Variants in WNK2 observed in about 807,000 individuals in gnomAD.
WNK2 encodes serine/threonine-protein kinase WNK2.
WNK2 carries 67 observed loss-of-function variants against 192.1 expected under a neutral mutation model. That is an observed-to-expected ratio of 0.35 (90% CI 0.29 to 0.43). The LOEUF (loss-of-function observed/expected upper bound fraction) is 0.43, where lower values mean the gene tolerates loss of function less well. Among genes scored for constraint, WNK2 ranks in the 20% least tolerant of loss-of-function variants. The probability of loss-of-function intolerance (pLI) is 1.00; values close to 1 mark genes in which losing one functional copy is unlikely to be tolerated. For synonymous variants in WNK2, 1,439 were observed against 1,393.9 expected, an observed-to-expected ratio of 1.03 and a Z score of -0.72; for missense variants, 2,698 against 3,089.7, an observed-to-expected ratio of 0.87 and a Z score of 3.01.
chr9:93,289,768 T>A (rs1179503996), intron 20 of WNK2, 148 bp downstream of exon 20: 1 of 947,574 alleles, frequency 1.1e-6, no homozygotes, highest in Non-Finnish European at 1.5e-6. Context: ...CACGTGTGTT[T>A]GACTCACCCA....
At chr9:93,307,306 A>G (rs1246768731) in intron 27 of WNK2, 1 of 159,940 alleles carries the variant, frequency 6.3e-6, no homozygotes, top group African/African-American at 2.4e-5. Context: ...GAATAGCTCC[A>G]TGTGTGTCAA....
chr9:93,255,470 G>C (rs575324799), intron 9 of WNK2, among the ~76,000 whole-genome samples: 6 of 152,190 alleles, frequency 3.9e-5, no homozygotes, highest in African/African-American at 1.4e-4. Flanking sequence ...AGCCCAGCTT[G>C]ATCCCAGATA....
In WNK2 at chr9:93,309,097, T is replaced by G. The variant is rs1017782591; in HGVS notation, c.6516+513T>G. ...CTAACTTGTTTGATGTCAGCGCGAGTTGGAGAAGCATCTGCTGTTTTTCAG... is the reference window on the plus strand; with the variant it reads ...CTAACTTGTTTGATGTCAGCGCGAGGTGGAGAAGCATCTGCTGTTTTTCAG... On this transcript the variant is annotated intron_variant, in intron 28 of 29. Coordinates refer to ENST00000427277, the MANE Select transcript of WNK2 (RefSeq NM_006648.4). 1.0e-5 allele frequency: 10 copies of G among 987,214 alleles called. No homozygotes were observed. In the South Asian group the frequency reaches 4.2e-4, roughly 42 times the overall value. 61.2% of individuals were successfully genotyped at this position (987,214 alleles called of 1,614,324 possible). A position where few individuals can be genotyped will look rare whatever the true frequency, so the allele number is the denominator to read the frequency against.
intron 23 of WNK2, among the ~76,000 whole-genome samples, chr9:93,297,340 G>A (rs897422851): frequency 1.1e-4 from 16 of 152,208 alleles, no homozygotes; most frequent in African/African-American, 3.1e-4. Flanking sequence ...GTGGCAGTGG[G>A]CTCACATATG....
chr9:93,222,122 T>C (rs1254803529), intron 2 of WNK2, among the ~76,000 whole-genome samples: 1 of 151,812 alleles, frequency 6.6e-6, no homozygotes, highest in African/African-American at 2.4e-5. Flanking sequence ...AGGTGGCCTT[T>C]AAGAGAGTAA....
intron 2 of WNK2, among the ~76,000 whole-genome samples, chr9:93,202,364 G>GTATGTA (rs1554679265): frequency 1.4e-5 from 2 of 146,078 alleles, no homozygotes; most frequent in African/African-American, 2.5e-5. Flanking sequence ...GTGTGTGTGT[G>GTATGTA]TGTATGTCTC....
intron 28 of WNK2, among the ~76,000 whole-genome samples, chr9:93,309,370 A>G (rs1214912981): frequency 1.3e-5 from 2 of 152,244 alleles, no homozygotes; most frequent in Admixed American, 1.3e-4. Context: ...CCTTGAGGGT[A>G]CAGTTGTTAC....
intron 10 of WNK2, 112 bp downstream of exon 10, chr9:93,256,566 T>G: frequency 6.2e-6 from 8 of 1,294,512 alleles, no homozygotes; most frequent in Non-Finnish European, 8.2e-6. Flanking sequence ...TCAAATTCTC[T>G]GTGGTTCCCC....
In WNK2 at chr9:93,185,281, C is replaced by T. The variant is rs1247616760; in HGVS notation, c.352C>T (p.Pro118Ser). The T allele has an allele frequency of 7.3e-7, 1 of 1,365,028 alleles. No homozygotes were observed. The highest frequency in any genetic ancestry group is 9.4e-7 in the Non-Finnish European group (1 of 1,065,968). The allele number at this position is 1,365,028 out of a possible 1,614,324, so 84.6% of individuals were successfully genotyped here. A position where few individuals can be genotyped will look rare whatever the true frequency, so the allele number is the denominator to read the frequency against. ...AGCCCCCGCGGACGCCGGCCCCGAG[C>T]CCGTGGGCACGCAGGAGCCCGGCCC... ...PGAPADAGPE[P>S]VGTQEPGPDP... Residue 118 changes from proline to serine, a missense_variant, in exon 2 of 30, where the codon CCC (proline) becomes TCC (serine). Pro to Ser is a moderately conservative substitution (Grantham distance 74). Transcript: ENST00000427277.
At chr9:93,230,827 C>T (rs986153300) in intron 3 of WNK2, 61 bp from the exon 4 acceptor site, 5 of 1,490,298 alleles carry the variant, frequency 3.4e-6, no homozygotes, top group Non-Finnish European at 4.6e-6. Context: ...TAGGTGGGGG[C>T]TTTGCTAGGG....
At chr9:93,318,551 TGTGA>T in intron 29 of WNK2, 1 of 1,613,996 alleles carries the variant, frequency 6.2e-7, no homozygotes, top group Non-Finnish European at 8.5e-7. Flanking sequence ...AGTGGGCTGC[TGTGA>T]GTGAGGATAA....
Position 93,185,067 on chromosome 9 carries a change from G to A in WNK2, c.138G>A (p.Val46=). The A allele has an allele frequency of 4.6e-6, 6 of 1,312,620 alleles. No homozygotes were observed. In the South Asian group the frequency reaches 8.0e-5, roughly 17 times the overall value. 81.3% of individuals were successfully genotyped at this position (1,312,620 alleles called of 1,614,324 possible). Residue 46 remains valine (V), a synonymous_variant, in exon 2 of 30, where the codon GTG becomes GTA. Coordinates refer to ENST00000427277, the MANE Select transcript of WNK2 (RefSeq NM_006648.4). ...CCCAGCGCTTTCTGCGGCGCAGCGT[G>A]GTAGAGTCGGACCAGGAGGAGCCGC... is the stretch of plus-strand genomic sequence containing the variant. ...PGPQRFLRRS[V]VESDQEEPPG... is the part of the protein sequence containing the mutation.
intron 7 of WNK2, among the ~76,000 whole-genome samples, chr9:93,246,433 C>A (rs1416775468): frequency 1.3e-5 from 2 of 152,210 alleles, no homozygotes; most frequent in African/African-American, 4.8e-5. Context: ...TGCATTTACA[C>A]CGCGAAGGTG....
chr9:93,300,370 A>C, intron 26 of WNK2: 2 of 412,672 alleles, frequency 4.8e-6, no homozygotes, highest in Non-Finnish European at 8.7e-6. Flanking sequence ...GTGCATGCTC[A>C]TGGCTGGTGC....
rs769585025 is a variant in WNK2 at position 93,292,527 on chromosome 9, C to A, written c.5062C>A (p.Pro1688Thr). 8 of 1,582,260 alleles carry A rather than the reference C, an allele frequency of 5.1e-6. No individual in the cohort carries two copies. The highest frequency in any genetic ancestry group is 6.9e-6 in the Non-Finnish European group (8 of 1,162,158). Reference sequence around the variant, plus strand: ...TTTTGTGAGACCTGCACGTGTGGAGCCCACAGACAGGGATGGTGGAGAAGC... The same window carrying A: ...TTTTGTGAGACCTGCACGTGTGGAGACCACAGACAGGGATGGTGGAGAAGC... The part of the protein sequence containing the change: ...PAFVRPARVE[P>T]TDRDGGEAGE... Residue 1688 changes from proline (P) to threonine (T), a missense_variant, in exon 23 of 30, where the codon CCC (proline) becomes ACC (threonine). By Grantham distance (38) the Pro-to-Thr change is conservative. Transcript: ENST00000427277.
intron 2 of WNK2, among the ~76,000 whole-genome samples, chr9:93,225,614 G>T (rs745851466): frequency 3.3e-5 from 5 of 152,120 alleles, no homozygotes; most frequent in African/African-American, 1.2e-4. Flanking sequence ...CCTACTTCCC[G>T]TTTTTTCTTA....
intron 2 of WNK2, among the ~76,000 whole-genome samples, chr9:93,190,547 A>G (rs7846729): frequency 0.46 from 70,048 of 152,152 alleles, 17,248 homozygotes; most frequent in East Asian, 0.56. Flanking sequence ...GCCATTGCAA[A>G]TGATTTGATT....
intron 4 of WNK2, among the ~76,000 whole-genome samples, chr9:93,232,742 T>A (rs1201162743): frequency 1.3e-5 from 2 of 151,948 alleles, no homozygotes; most frequent in African/African-American, 4.8e-5. Flanking sequence ...GCAGGCACAG[T>A]GGGGAGACCT....
chr9:93,308,483 G>T lies in WNK2; in HGVS notation c.6415G>T (p.Ala2139Ser). 6.2e-7 allele frequency: 1 copy of T among 1,609,156 alleles called. No homozygotes were observed. The highest frequency in any genetic ancestry group is 8.5e-7 in the Non-Finnish European group (1 of 1,178,310). ...VDEWTSKTVG[A>S]AQLKPTLNQL... ...CGAGTGGACGAGCAAGACGGTGGGG[G>T]CCGCGCAGCTGAAGCCCACGCTCAA... Residue 2139 changes from alanine (A) to serine (S), a missense_variant, in exon 28 of 30, where the codon GCC (alanine) becomes TCC (serine). This residue lies in a region of WNK2 where 167 missense variants were observed against 184.2 expected (regional missense o/e 0.91). Coordinates refer to ENST00000427277, the MANE Select transcript of WNK2 (RefSeq NM_006648.4).
Sources: gnomAD v4.1 joint callset for allele counts (sites outside exome capture counted in the v4.1 genomes callset) on GRCh38, gnomAD v4.1.1 for gene constraint, gnomAD v4.1.1 regional missense constraint, MANE v1.5 for transcripts, NCBI Gene and HGNC (gene_info 2026-07-23, HGNC 2026-07-21) for gene names.